The following EPHA7 variants were observed in gnomAD, a reference collection of about 807,000 sequenced individuals.
EPHA7 encodes the protein ephrin type-A receptor 7.
In EPHA7, 25 loss-of-function variants were observed where a neutral mutation model predicts 112.6. The ratio of observed to expected loss-of-function variants is 0.22; its 90% CI spans 0.16 to 0.31. The LOEUF (loss-of-function observed/expected upper bound fraction) is 0.31. Ranked by LOEUF, EPHA7 falls within the 10% of genes least tolerant of loss-of-function variation. The probability of loss-of-function intolerance (pLI) is 1.00; values close to 1 mark genes in which losing one functional copy is unlikely to be tolerated. For synonymous variants in EPHA7, 437 were observed against 406.5 expected (o/e 1.07, Z -0.90); for missense variants, 962 against 1,212.6 (o/e 0.79, Z 3.07).
intron 5 of EPHA7, among the ~76,000 whole-genome samples, chr6:93,286,918 T>C (rs1772093866): frequency 6.6e-6 from 1 of 152,176 alleles, no homozygotes; most frequent in South Asian, 2.1e-4. Flanking sequence ...AGATGGCATA[T>C]ATAATATGTT....
At chr6:93,402,573 A>C (rs1261243895) in intron 3 of EPHA7, among the ~76,000 whole-genome samples, 1 of 152,050 alleles carries the variant, frequency 6.6e-6, no homozygotes, top group South Asian at 2.1e-4. Flanking sequence ...TTAATGAAGG[A>C]CATAAAAAAT....
chr6:93,332,935 G>C (rs1444192819), intron 5 of EPHA7, among the ~76,000 whole-genome samples: 1 of 151,214 alleles, frequency 6.6e-6, no homozygotes, highest in Non-Finnish European at 1.5e-5. Flanking sequence ...TGTCTTATTG[G>C]TACATTTTGG....
chr6:93,311,939 G>A (rs1773563604), intron 5 of EPHA7, among the ~76,000 whole-genome samples: 1 of 152,028 alleles, frequency 6.6e-6, no homozygotes, highest in Non-Finnish European at 1.5e-5. Flanking sequence ...TTGCCAATCA[G>A]CAGTAATATA....
chr6:93,260,430 G>T, intron 9 of EPHA7: 1 of 556,228 alleles, frequency 1.8e-6, no homozygotes, highest in Non-Finnish European at 2.3e-6. Context: ...AGATAAGATA[G>T]ATAGGCATAT....
chr6:93,358,515 G>A, intron 3 of EPHA7, 104 bp from the exon 4 acceptor site: 1 of 920,220 alleles, frequency 1.1e-6, no homozygotes, highest in Non-Finnish European at 1.5e-6. Context: ...TGTGATGTAT[G>A]TAAAACAAGC....
intron 5 of EPHA7, among the ~76,000 whole-genome samples, chr6:93,289,581 G>A (rs1205210734): frequency 1.3e-5 from 2 of 151,804 alleles, no homozygotes; most frequent in East Asian, 1.9e-4. Context: ...CCAAGATCGC[G>A]CCACTGCACT....
chr6:93,361,065 G>A (rs1185138991), intron 3 of EPHA7, among the ~76,000 whole-genome samples: 1 of 151,984 alleles, frequency 6.6e-6, no homozygotes, highest in Non-Finnish European at 1.5e-5. Flanking sequence ...ACCTTAAGAA[G>A]AGATATTAAA....
intron 9 of EPHA7, among the ~76,000 whole-genome samples, chr6:93,259,792 T>C (rs967757857): frequency 1.3e-5 from 2 of 151,994 alleles, no homozygotes; most frequent in African/African-American, 4.8e-5. Flanking sequence ...ACTGCTATCA[T>C]GGCATAGTTC....
At chr6:93,321,316 G>T (rs1405761359) in intron 5 of EPHA7, among the ~76,000 whole-genome samples, 4 of 151,786 alleles carry the variant, frequency 2.6e-5, no homozygotes, top group African/African-American at 9.7e-5. Flanking sequence ...CAAACAGTAG[G>T]CAACAGTAAT....
chr6:93,257,542 A>T lies in EPHA7; in HGVS notation c.2111-19T>A. 5 of 1,550,058 alleles carry T rather than the reference A, an allele frequency of 3.2e-6. No homozygotes were observed. In the South Asian group the frequency reaches 4.6e-5, roughly 14 times the overall value. On this transcript the variant is annotated intron_variant, in intron 11 of 16. Transcript: ENST00000369303. ...GGTTTCCCTAAAATTAAAAAAAAAAAGTTTCAGGAGTCGTAACCTGAGCTG... is the reference window on the plus strand; with the variant it reads ...GGTTTCCCTAAAATTAAAAAAAAAATGTTTCAGGAGTCGTAACCTGAGCTG...
intron 5 of EPHA7, among the ~76,000 whole-genome samples, chr6:93,318,830 G>A (rs1285613162): frequency 6.6e-6 from 1 of 151,966 alleles, no homozygotes; most frequent in Non-Finnish European, 1.5e-5. Flanking sequence ...CTAGAATCAG[G>A]AAACTATTGC....
intron 3 of EPHA7, among the ~76,000 whole-genome samples, chr6:93,386,093 C>T (rs1777590521): frequency 6.6e-6 from 1 of 152,126 alleles, no homozygotes; most frequent in Non-Finnish European, 1.5e-5. Context: ...CATCATTCCA[C>T]CCTGGGCACC....
chr6:93,322,230 A>ACTATATAATT (rs901548995), intron 5 of EPHA7, among the ~76,000 whole-genome samples: 3 of 151,962 alleles, frequency 2.0e-5, no homozygotes, highest in African/African-American at 7.2e-5. Flanking sequence ...TGTAAAGTAT[A>ACTATATAATT]CTATATAATT....
intron 5 of EPHA7, 51 bp from the exon 6 acceptor site, chr6:93,272,473 T>C: frequency 1.2e-6 from 2 of 1,605,128 alleles, no homozygotes; most frequent in Non-Finnish European, 1.7e-6. Flanking sequence ...ACTGGATGCC[T>C]CAAATCAAAT....
intron 3 of EPHA7, among the ~76,000 whole-genome samples, chr6:93,369,093 T>C (rs1200437187): frequency 6.6e-6 from 1 of 150,832 alleles, no homozygotes; most frequent in Non-Finnish European, 1.5e-5. Context: ...AATAAATGCT[T>C]AGAAAAATGT....
At chr6:93,251,310 A>G (rs369286755) in intron 14 of EPHA7, among the ~76,000 whole-genome samples, 64 of 152,002 alleles carry the variant, frequency 4.2e-4, no homozygotes, top group Middle Eastern at 3.4e-3. Context: ...AGTATATTAT[A>G]TTTTCCAAGC....
intron 3 of EPHA7, among the ~76,000 whole-genome samples, chr6:93,404,366 T>A (rs573154959): frequency 6.6e-6 from 1 of 151,920 alleles, no homozygotes; most frequent in Admixed American, 6.6e-5. Flanking sequence ...GAAAAAAGTT[T>A]ATGTTCATAA....
intron 5 of EPHA7, among the ~76,000 whole-genome samples, chr6:93,280,794 C>G (rs1250458452): frequency 6.6e-6 from 1 of 151,846 alleles, no homozygotes; most frequent in African/African-American, 2.4e-5. Flanking sequence ...TAAAATCATT[C>G]CTAGCATGTG....
rs528769217 is a variant in EPHA7 at position 93,381,219 on chromosome 6, A to G, written c.833-22808T>C. ...CATCTGTCCTTGACAACACAATTAC[A>G]AATTGAGAAACTTTAGTGCAATAAG... On this transcript the variant is annotated intron_variant, in intron 3 of 16. Transcript: ENST00000369303. 8.5e-4 allele frequency among the ~76,000 whole-genome samples: 130 copies of G among 152,316 alleles called. 1 individual carries two copies. The highest frequency in any genetic ancestry group is 2.9e-3 in the African/African-American group (122 of 41,584).
Sources: gnomAD v4.1 joint callset for allele counts (sites outside exome capture counted in the v4.1 genomes callset) on GRCh38, gnomAD v4.1.1 for gene constraint, MANE v1.5 for transcripts, NCBI Gene and HGNC (gene_info 2026-07-23, HGNC 2026-07-21) for gene names.